Variants in DHX34 observed in about 807,000 individuals in gnomAD.
DHX34 encodes the protein probable ATP-dependent RNA helicase DHX34.
In DHX34, 96 loss-of-function variants were observed where a neutral mutation model predicts 111.1. The ratio of observed to expected loss-of-function variants is 0.86; its 90% confidence interval spans 0.73 to 1.02. DHX34 has a LOEUF of 1.02. DHX34 is among the 50% of genes least tolerant of loss of function. The pLI, the probability that DHX34 is intolerant of heterozygous loss-of-function variation, is 0.00. For missense variants in DHX34, 1,560 were observed against 1,579.9 expected, an observed-to-expected ratio of 0.99 and a Z score of 0.21; for synonymous variants, 688 against 670.4, an observed-to-expected ratio of 1.03 and a Z score of -0.41.
In DHX34 at chr19:47,380,916, G is replaced by A; in HGVS notation, c.3083G>A (p.Gly1028Asp). The A allele has an allele frequency of 1.2e-6, 2 of 1,612,826 alleles. No homozygotes were observed. Among genetic ancestry groups the A allele is most frequent in the Non-Finnish European group, 1.7e-6 (2 of 1,179,424 alleles). Reference protein sequence around the residue: ...PATPHLPGLFGSSTLSPHPTK... With the variant: ...PATPHLPGLFDSSTLSPHPTK... Reference sequence around the variant, plus strand: ...ACCCCCCATCTTCCTGGCCTCTTTGGCAGCTCCACCCTGTCCCCCCACCCC... The same window carrying A: ...ACCCCCCATCTTCCTGGCCTCTTTGACAGCTCCACCCTGTCCCCCCACCCC... The change falls in exon 15 of 17, where the codon GGC (glycine) becomes GAC (aspartate). Residue 1028 changes from glycine (G) to aspartate (D), a missense_variant. Coordinates refer to ENST00000328771, the MANE Select transcript of DHX34 (RefSeq NM_014681.6).
intron 13 of DHX34, 102 bp from the exon 14 acceptor site, chr19:47,379,600 TCACATAGA>T (rs1970284549): frequency 1.3e-6 from 2 of 1,485,272 alleles, no homozygotes; most frequent in African/African-American, 2.8e-5. Flanking sequence ...GGTGGATGCC[TCACATAGA>T]CAGGGCTGGT....
chr19:47,358,760 A>G (rs1302639219), intron 4 of DHX34, among the ~76,000 whole-genome samples: 2 of 151,788 alleles, frequency 1.3e-5, no homozygotes, highest in Admixed American at 6.6e-5. Flanking sequence ...GACTACAGGC[A>G]CCCGCCACCA....
intron 6 of DHX34, among the ~76,000 whole-genome samples, chr19:47,365,715 C>T (rs1969770201): frequency 6.6e-6 from 1 of 152,198 alleles, no homozygotes; most frequent in Non-Finnish European, 1.5e-5. Context: ...TTCTCGCTCT[C>T]TGGCTGTCAC....
intron 2 of DHX34, among the ~76,000 whole-genome samples, chr19:47,354,767 C>G (rs962758884): frequency 1.1e-4 from 16 of 152,332 alleles, no homozygotes; most frequent in Admixed American, 1.3e-4. Flanking sequence ...TCTCCTGCCT[C>G]AGCCTCCCAA....
Position 47,367,044 on chromosome 19 carries a change from A to G in DHX34, c.1657A>G (p.Ser553Gly), listed in dbSNP as rs749982635. 4 of 1,607,210 alleles carry G rather than the reference A, an allele frequency of 2.5e-6. No homozygotes were observed. The highest frequency in any genetic ancestry group is 3.4e-6 in the Non-Finnish European group (4 of 1,176,408). ...CTTCATCGAGCCCCCACCACCAGCC[A>G]GCCTGGAAACCGCCATCCTCTACCT... Reference protein sequence around the residue: ...FPFIEPPPPASLETAILYLRD... With the variant: ...FPFIEPPPPAGLETAILYLRD... The change falls in exon 7 of 17, where the codon AGC becomes GGC. Residue 553 changes from serine to glycine, a missense_variant. Ser to Gly is a moderately conservative substitution (Grantham distance 56). Transcript: ENST00000328771.
In DHX34 at chr19:47,362,989, C is replaced by T. The variant is rs373219686; in HGVS notation, c.1593+296C>T. ...TTTTTGAGACGGAGTCTCCCTCTGT[C>T]GCCCATGCTGGAGTGCAGTGGTGCG... On this transcript the variant is annotated intron_variant, in intron 6 of 16. Transcript: ENST00000328771. 2.6e-5 allele frequency among the ~76,000 whole-genome samples: 4 copies of T among 152,158 alleles called. No individual in the cohort carries two copies. In the East Asian group the frequency reaches 5.8e-4, roughly 22 times the overall value.
intron 9 of DHX34, among the ~76,000 whole-genome samples, chr19:47,374,347 G>A (rs1364075912): frequency 8.0e-5 from 12 of 150,610 alleles, no homozygotes; most frequent in African/African-American, 2.9e-4. Flanking sequence ...TGAAGCAGGA[G>A]AGTCGTTTGA....
At position 47,373,621 on chromosome 19, in the gene DHX34, ACT is replaced by A; in HGVS notation, c.1989_1990del (p.Arg664GlnfsTer87). On this transcript the variant is annotated frameshift_variant, in exon 9 of 17. Coordinates refer to ENST00000328771, the MANE Select transcript of DHX34 (RefSeq NM_014681.6). LOFTEE classifies it high-confidence loss of function. ...CAGGTGAAATCTGAACGGAGCAGAA[ACT>A]CTCGCAAGTGGTGCCGCCGCCGGGG... is the stretch of plus-strand genomic sequence containing the variant. 2.5e-6 allele frequency: 4 copies of A among 1,613,790 alleles called. No homozygotes were observed. Among genetic ancestry groups the A allele is most frequent in the Non-Finnish European group, 3.4e-6 (4 of 1,179,922 alleles).
intron 1 of DHX34, among the ~76,000 whole-genome samples, chr19:47,352,268 C>T (rs145029824): frequency 6.5e-4 from 99 of 152,282 alleles, no homozygotes; most frequent in African/African-American, 2.3e-3. Context: ...AGTCTGATGA[C>T]GTGTGTGTCA....
At position 47,373,705 on chromosome 19, in the gene DHX34, G is replaced by A. The variant is rs1358668100; in HGVS notation, c.2064+5G>A. 1.2e-6 allele frequency: 2 copies of A among 1,612,624 alleles called. No individual in the cohort carries two copies. The highest frequency in any genetic ancestry group is 1.7e-6 in the Non-Finnish European group (2 of 1,179,390). ...AACCTTCGGCGCCAGTTCAAGGTGA[G>A]GCTCGGGAGGAGGGGTAAGGCCGGC... On this transcript the variant is annotated splice_donor_5th_base_variant and intron_variant, in intron 9 of 16. Transcript: ENST00000328771.
chr19:47,373,006 C>T (rs1289783763), intron 8 of DHX34, 83 bp downstream of exon 8: 6 of 1,448,008 alleles, frequency 4.1e-6, no homozygotes, highest in Non-Finnish European at 5.5e-6. Context: ...CCTCGTGTCC[C>T]ACCCTCAGCC....
At chr19:47,356,267 A>C (rs1401642741) in intron 3 of DHX34, among the ~76,000 whole-genome samples, 1 of 152,166 alleles carries the variant, frequency 6.6e-6, no homozygotes, top group Non-Finnish European at 1.5e-5. Flanking sequence ...GACTTACAGG[A>C]AGAACTTCAT....
intron 7 of DHX34, among the ~76,000 whole-genome samples, chr19:47,369,066 C>G (rs1443014338): frequency 6.6e-6 from 1 of 151,964 alleles, no homozygotes; most frequent in Non-Finnish European, 1.5e-5. Flanking sequence ...TTAGTAGAGA[C>G]GGGGTTTCAT....
rs770947952 is a variant in DHX34, at chr19:47,376,061, C to G, written c.2445C>G (p.Pro815=). The stretch of plus-strand genomic sequence containing the variant: ...GCCTGTACCCACAGCTGGCCGTCCC[C>G]GACGCCTTCAACAGCAGCCGAAAGG... ...GRGLYPQLAV[P]DAFNSSRKDS... Residue 815 remains proline, a synonymous_variant, in exon 11 of 17, where the codon CCC becomes CCG. Transcript: ENST00000328771. 1 of 1,579,574 alleles carries G rather than the reference C, an allele frequency of 6.3e-7. No individual in the cohort carries two copies. Among genetic ancestry groups the G allele is most frequent in the Non-Finnish European group, 8.6e-7 (1 of 1,165,466 alleles).
chr19:47,359,791 G>T (rs1969569813), intron 4 of DHX34, 177 bp from the exon 5 acceptor site: 1 of 947,672 alleles, frequency 1.1e-6, no homozygotes, highest in South Asian at 4.9e-5. Flanking sequence ...GAGGGTGGGG[G>T]AGGGCCCAGG....
At chr19:47,376,824 C>A in intron 12 of DHX34, 1 of 1,526,774 alleles carries the variant, frequency 6.5e-7, no homozygotes. Context: ...GGTCAGGGGG[C>A]CTGTCCTATG....
intron 1 of DHX34, among the ~76,000 whole-genome samples, chr19:47,352,486 G>A (rs899130283): frequency 6.6e-6 from 1 of 152,074 alleles, no homozygotes; most frequent in Non-Finnish European, 1.5e-5. Context: ...TATCAACCTG[G>A]GCAACATAGT....
chr19:47,350,726 A>G (rs1454863015), intron 1 of DHX34, among the ~76,000 whole-genome samples: 1 of 151,904 alleles, frequency 6.6e-6, no homozygotes, highest in African/African-American at 2.4e-5. Flanking sequence ...GGCCTGAAAA[A>G]GCATTTTTTT....
chr19:47,363,692 C>T (rs1043304783), intron 6 of DHX34, among the ~76,000 whole-genome samples: 2 of 151,826 alleles, frequency 1.3e-5, no homozygotes, highest in Non-Finnish European at 2.9e-5. Context: ...GTGGTGTGCA[C>T]CTGTAAGCCC....
Sources: allele counts gnomAD v4.1 joint callset (sites outside exome capture counted in the v4.1 genomes callset), GRCh38; gene constraint gnomAD v4.1.1; transcripts MANE v1.5; gene names NCBI Gene and HGNC (gene_info 2026-07-23, HGNC 2026-07-21).